Variants in KAZN observed in about 807,000 individuals in gnomAD.
KAZN encodes the protein kazrin.
Under a neutral mutation model 87.4 loss-of-function variants are expected in KAZN, and 40 were observed. That is an observed-to-expected ratio of 0.46 (90% confidence interval 0.36 to 0.60). KAZN has a LOEUF of 0.60. Among genes scored for constraint, KAZN ranks in the 20% least tolerant of loss-of-function variants. The probability of loss-of-function intolerance (pLI) is 0.00; values close to 1 mark genes in which losing one functional copy is unlikely to be tolerated. For synonymous variants in KAZN, 466 were observed against 458.3 expected (o/e 1.02, Z -0.22); for missense variants, 898 against 1,073.9 (o/e 0.84, Z 2.29).
At chr1:14,494,424 C>T (rs571040349) in intron 2 of KAZN, among the ~76,000 whole-genome samples, 1 of 152,110 alleles carries the variant, frequency 6.6e-6, no homozygotes, top group Admixed American at 6.5e-5. Context: ...ATTTGGGTCC[C>T]TCCACCCCCA....
chr1:14,534,761 A>G (rs1672393523), intron 2 of KAZN, among the ~76,000 whole-genome samples: 1 of 152,220 alleles, frequency 6.6e-6, no homozygotes, highest in Admixed American at 6.5e-5. Context: ...GTGAGTAGCC[A>G]GTGATAAGGG....
chr1:14,545,163 G>C (rs1673061947), intron 2 of KAZN, among the ~76,000 whole-genome samples: 1 of 152,206 alleles, frequency 6.6e-6, no homozygotes, highest in Non-Finnish European at 1.5e-5. Context: ...AGAAGCTCAA[G>C]ATGTTCCTCC....
chr1:14,131,326 G>A (rs1016304155), intron 1 of KAZN, among the ~76,000 whole-genome samples: 1 of 152,194 alleles, frequency 6.6e-6, no homozygotes, highest in African/African-American at 2.4e-5. Context: ...GATGAGTAAG[G>A]CCAAAGTTGG....
chr1:14,706,883 C>G (rs1194711259), intron 1 of KAZN, among the ~76,000 whole-genome samples: 1 of 152,198 alleles, frequency 6.6e-6, no homozygotes, highest in South Asian at 2.1e-4. Context: ...TCACCCACCT[C>G]CCCGCCACCC....
intron 2 of KAZN, among the ~76,000 whole-genome samples, chr1:14,394,032 T>C (rs1662681041): frequency 6.6e-6 from 1 of 152,218 alleles, no homozygotes. Flanking sequence ...ATTTATCTTT[T>C]GCTGTGCAGC....
rs369626601 is a variant in KAZN, at chr1:15,109,771, C to G, written c.2049-2656C>G. ...TGTTTGTATGTTTGTGTCTGTATGT[C>G]TGTGTATATATGTGTTTGTGTGTAT... On this transcript the variant is annotated intron_variant, in intron 13 of 14. Coordinates refer to ENST00000376030, the MANE Select transcript of KAZN (RefSeq NM_201628.3). Among the ~76,000 whole-genome samples the G allele has an allele frequency of 2.7e-3, 398 of 147,994 alleles. 1 individual carries two copies. Among genetic ancestry groups the G allele is most frequent in the African/African-American group, 8.7e-3 (359 of 41,282 alleles).
At chr1:14,060,197 A>G (rs1441439613) in intron 1 of KAZN, among the ~76,000 whole-genome samples, 2 of 152,034 alleles carry the variant, frequency 1.3e-5, no homozygotes, top group African/African-American at 4.8e-5. Flanking sequence ...CCCCGTCTCT[A>G]CTAAAAATAC....
At chr1:14,356,335 A>T (rs2100962239) in intron 2 of KAZN, among the ~76,000 whole-genome samples, 1 of 152,250 alleles carries the variant, frequency 6.6e-6, no homozygotes, top group East Asian at 1.9e-4. Flanking sequence ...GCCCTTTGTC[A>T]GATTGATAGG....
rs59543279 is a variant in KAZN at position 14,874,452 on chromosome 1, C to T, written c.227-86232C>T. On this transcript the variant is annotated intron_variant, in intron 1 of 14. Coordinates refer to ENST00000376030, the MANE Select transcript of KAZN (RefSeq NM_201628.3). ...GTTTCAGAGGAATGGTGGCATGAAT[C>T]GCTAGCTAGCTGGCTGACTGGATGG... 3.4e-3 allele frequency among the ~76,000 whole-genome samples: 512 copies of T among 150,346 alleles called. 3 individuals carry two copies. The highest frequency in any genetic ancestry group is 0.012 in the African/African-American group (484 of 40,832).
rs1338776154 is a variant in KAZN, at chr1:14,681,613, GTATATATATATATATATATATATATA to G, written c.226+82410_226+82435del. On this transcript the variant is annotated intron_variant, in intron 1 of 14. Transcript: ENST00000376030. ...TTTAACTATATATATATGTATATGT[GTATATATATATATATATATATATATA>G]TATATATATATATATATATTTTTTT... Among the ~76,000 whole-genome samples the G allele has an allele frequency of 7.4e-3, 216 of 29,108 alleles. 2 individuals are homozygous for G. Among genetic ancestry groups the G allele is most frequent in the Middle Eastern group, 0.038 (1 of 26 alleles). The allele number at this position is 29,108 out of a possible 152,430, so 19.1% of individuals were successfully genotyped here. A position where few individuals can be genotyped will look rare whatever the true frequency, so the allele number is the denominator to read the frequency against.
chr1:14,966,737 T>C (rs372879971), intron 2 of KAZN, among the ~76,000 whole-genome samples: 1 of 152,010 alleles, frequency 6.6e-6, no homozygotes, highest in South Asian at 2.1e-4. Flanking sequence ...AGTGGCGCCA[T>C]CTCAGCTCAC....
chr1:14,002,527 G>C (rs1167040267), intron 1 of KAZN, among the ~76,000 whole-genome samples: 2 of 152,200 alleles, frequency 1.3e-5, no homozygotes, highest in Non-Finnish European at 2.9e-5. Context: ...GGCCTCCCCA[G>C]CCATGTGGAA....
At chr1:14,293,159 T>C (rs912535780) in intron 2 of KAZN, among the ~76,000 whole-genome samples, 2 of 152,138 alleles carry the variant, frequency 1.3e-5, no homozygotes, top group African/African-American at 2.4e-5. Flanking sequence ...TTATTGGAGA[T>C]CACACAACTA....
At chr1:14,381,363 G>A (rs558621847) in intron 2 of KAZN, among the ~76,000 whole-genome samples, 6 of 150,016 alleles carry the variant, frequency 4.0e-5, no homozygotes, top group African/African-American at 4.9e-5. Context: ...TACCAAAACC[G>A]GACAATCAAA....
intron 1 of KAZN, among the ~76,000 whole-genome samples, chr1:14,913,570 G>C (rs1487853771): frequency 2.0e-5 from 3 of 152,218 alleles, no homozygotes; most frequent in Non-Finnish European, 4.4e-5. Flanking sequence ...AGGGCCTAAG[G>C]TGACTTTCTG....
chr1:14,847,971 T>C (rs574474805), intron 1 of KAZN, among the ~76,000 whole-genome samples: 20 of 152,268 alleles, frequency 1.3e-4, no homozygotes, highest in Admixed American at 1.2e-3. Context: ...CAGAGTGAGA[T>C]TCTGTCTCAA....
intron 1 of KAZN, among the ~76,000 whole-genome samples, chr1:14,806,670 T>C (rs1192161681): frequency 6.6e-6 from 1 of 152,186 alleles, no homozygotes; most frequent in Admixed American, 6.5e-5. Context: ...TATTCATTGA[T>C]CTGTGCAGAA....
At chr1:14,937,477 C>T (rs1012450835) in intron 1 of KAZN, among the ~76,000 whole-genome samples, 1 of 152,176 alleles carries the variant, frequency 6.6e-6, no homozygotes, top group Non-Finnish European at 1.5e-5. Context: ...TAATCACGTC[C>T]CCTCCGCCTC....
intron 1 of KAZN, among the ~76,000 whole-genome samples, chr1:14,664,999 C>G (rs1182786709): frequency 6.6e-6 from 1 of 152,210 alleles, no homozygotes; most frequent in Non-Finnish European, 1.5e-5. Context: ...CTAATGCAAC[C>G]AACCCAGTGT....
Sources: allele counts gnomAD v4.1 joint callset (sites outside exome capture counted in the v4.1 genomes callset), GRCh38; gene constraint gnomAD v4.1.1; transcripts MANE v1.5; gene names NCBI Gene and HGNC (gene_info 2026-07-23, HGNC 2026-07-21).